LRRC7: variants seen among roughly 807,000 people sequenced by gnomAD.
LRRC7 encodes the protein leucine-rich repeat-containing protein 7.
In LRRC7, 23 loss-of-function variants were observed where a neutral mutation model predicts 175.7. The ratio of observed to expected loss-of-function variants is 0.13; its 90% confidence interval spans 0.09 to 0.19. The LOEUF is 0.19. Ranked by LOEUF, LRRC7 falls within the 10% of genes least tolerant of loss-of-function variation. LRRC7 has a pLI of 1.00. For synonymous variants in LRRC7, 685 were observed against 680.9 expected (o/e 1.01, Z -0.09); for missense variants, 1,354 against 1,904.7 (o/e 0.71, Z 5.38).
chr1:69,802,368 T>C (rs959011498), intron 4 of LRRC7, among the ~76,000 whole-genome samples: 1 of 151,444 alleles, frequency 6.6e-6, no homozygotes, highest in Non-Finnish European at 1.5e-5. Context: ...TTAGGTCTAG[T>C]AATGTTTGTT....
At chr1:69,842,482 ATGTCTCC>A (rs1681833940) in intron 7 of LRRC7, among the ~76,000 whole-genome samples, 2 of 152,188 alleles carry the variant, frequency 1.3e-5, no homozygotes, top group African/African-American at 4.8e-5. Flanking sequence ...ATGAATATTC[ATGTCTCC>A]TGATGCACAA....
chr1:69,644,020 A>C (rs1654631083), intron 1 of LRRC7, among the ~76,000 whole-genome samples: 1 of 152,184 alleles, frequency 6.6e-6, no homozygotes, highest in Non-Finnish European at 1.5e-5. Flanking sequence ...GATGCAGTTA[A>C]TGCAATGCTT....
chr1:69,579,434 G>A (rs1646101879), intron 1 of LRRC7, among the ~76,000 whole-genome samples: 1 of 152,010 alleles, frequency 6.6e-6, no homozygotes. Context: ...CTTTATATTG[G>A]TATTTTTAGG....
At chr1:70,047,654 T>G (rs1660432479) in intron 22 of LRRC7, among the ~76,000 whole-genome samples, 1 of 152,082 alleles carries the variant, frequency 6.6e-6, no homozygotes, top group Non-Finnish European at 1.5e-5. Context: ...TTTAAATATT[T>G]TTCATTTTTT....
chr1:69,713,890 C>T (rs916926110), intron 2 of LRRC7, among the ~76,000 whole-genome samples: 1 of 151,940 alleles, frequency 6.6e-6, no homozygotes, highest in African/African-American at 2.4e-5. Context: ...TATCAGACAC[C>T]TAAGAGCTTT....
In LRRC7 at chr1:70,038,960, C is replaced by T. The variant is rs747733940; in HGVS notation, c.3136C>T (p.Leu1046Phe). ...AGTCCCAATGCTGGATGATGAGATG[C>T]TCACCTACGGAAGTAGTAAGGGGCC... ...QSVPMLDDEM[L>F]TYGSSKGPQQ... The change falls in exon 21 of 27, where the codon CTC (leucine) becomes TTC (phenylalanine). Residue 1046 changes from leucine (L) to phenylalanine (F), a missense_variant. This residue lies in a region of LRRC7 where 1,032 missense variants were observed against 1,227.2 expected (regional missense o/e 0.84). Transcript: ENST00000651989. 1 of 1,613,942 alleles carries T rather than the reference C, an allele frequency of 6.2e-7. No homozygotes were observed. Among genetic ancestry groups the T allele is most frequent in the Non-Finnish European group, 8.5e-7 (1 of 1,179,974 alleles).
chr1:70,013,588 G>A (rs936102789), intron 13 of LRRC7, among the ~76,000 whole-genome samples: 2 of 151,874 alleles, frequency 1.3e-5, no homozygotes, highest in Admixed American at 6.6e-5. Flanking sequence ...TAGAGCAGAT[G>A]AATGAGGAAA....
chr1:69,896,803 G>T (rs1645992677), intron 7 of LRRC7, among the ~76,000 whole-genome samples: 1 of 151,968 alleles, frequency 6.6e-6, no homozygotes, highest in Non-Finnish European at 1.5e-5. Flanking sequence ...TTATTCTGTG[G>T]CATGGTACTT....
intron 7 of LRRC7, among the ~76,000 whole-genome samples, chr1:69,878,993 T>C (rs946703709): frequency 1.3e-5 from 2 of 149,776 alleles, no homozygotes; most frequent in Non-Finnish European, 3.0e-5. Context: ...TCATTATACA[T>C]TTGTCCAAAC....
In LRRC7 at chr1:69,927,601, G is replaced by A. The variant is rs140165817; in HGVS notation, c.648-3906G>A. ...ACCCTTTCTTCCAGTTGATTGCATCGGCTCTTGAGGCTTCTGCATTCTTCA... is the reference window on the plus strand; with the variant it reads ...ACCCTTTCTTCCAGTTGATTGCATCAGCTCTTGAGGCTTCTGCATTCTTCA... On this transcript the variant is annotated intron_variant, in intron 7 of 26. Transcript: ENST00000651989. Among the ~76,000 whole-genome samples, 763 of 151,872 alleles carry A rather than the reference G, an allele frequency of 5.0e-3. 7 individuals are homozygous for A. The highest frequency in any genetic ancestry group is 0.017 in the African/African-American group (692 of 41,366).
At chr1:69,823,569 G>T (rs187075136) in intron 4 of LRRC7, among the ~76,000 whole-genome samples, 4 of 151,972 alleles carry the variant, frequency 2.6e-5, no homozygotes, top group Admixed American at 2.6e-4. Flanking sequence ...GTGCGTACAC[G>T]CACATTAATA....
chr1:69,776,720 T>G (rs1180047297), intron 3 of LRRC7, among the ~76,000 whole-genome samples: 1 of 151,682 alleles, frequency 6.6e-6, no homozygotes, highest in African/African-American at 2.4e-5. Context: ...TGTGTGGGTG[T>G]GTGTGTGGGT....
chr1:69,679,824 T>C (rs1283036992), intron 2 of LRRC7, among the ~76,000 whole-genome samples: 1 of 152,150 alleles, frequency 6.6e-6, no homozygotes, highest in Admixed American at 6.6e-5. Context: ...AAAGTGATTT[T>C]TCAGGACTCT....
intron 10 of LRRC7, among the ~76,000 whole-genome samples, chr1:69,986,964 C>T (rs1435420286): frequency 1.3e-5 from 2 of 152,108 alleles, no homozygotes; most frequent in African/African-American, 2.4e-5. Context: ...TTTACATGGG[C>T]CAGGCGCAGT....
At chr1:69,793,549 T>G (rs942628197) in intron 4 of LRRC7, among the ~76,000 whole-genome samples, 2 of 152,060 alleles carry the variant, frequency 1.3e-5, no homozygotes, top group Non-Finnish European at 2.9e-5. Flanking sequence ...TTTTCTTAAA[T>G]GTACTGTCAA....
At chr1:69,568,731 G>C in intron 1 of LRRC7, 90 bp downstream of exon 1, 1 of 916,678 alleles carries the variant, frequency 1.1e-6, no homozygotes, top group Non-Finnish European at 1.4e-6. Context: ...GACCCCAGAG[G>C]CCGGCCGGGG....
At chr1:69,652,878 A>G (rs545565008) in intron 1 of LRRC7, among the ~76,000 whole-genome samples, 1 of 152,144 alleles carries the variant, frequency 6.6e-6, no homozygotes, top group African/African-American at 2.4e-5. Context: ...AGACTATTCA[A>G]TGGGGAAAGG....
chr1:69,826,722 A>G (rs1679952778), intron 5 of LRRC7, among the ~76,000 whole-genome samples: 1 of 152,170 alleles, frequency 6.6e-6, no homozygotes, highest in Non-Finnish European at 1.5e-5. Flanking sequence ...CTTTTGTCTG[A>G]TGAAGTGTAG....
Position 70,127,389 on chromosome 1 carries a change from G to A in LRRC7, c.*5502G>A, listed in dbSNP as rs1666493610. 6.6e-6 allele frequency among the ~76,000 whole-genome samples: 1 copy of A among 152,148 alleles called. No individual in the cohort carries two copies. The highest frequency in any genetic ancestry group is 1.5e-5 in the Non-Finnish European group (1 of 68,028). ...CAGAGATTTTTGAAAAACCGAGGGG[G>A]CAAGTCTACTCTAAGTTTTTATTTA... On this transcript the variant is annotated 3_prime_UTR_variant, in exon 27 of 27. Coordinates refer to ENST00000651989, the MANE Select transcript of LRRC7 (RefSeq NM_001370785.2).
Sources: allele counts gnomAD v4.1 joint callset (sites outside exome capture counted in the v4.1 genomes callset), GRCh38; gene constraint gnomAD v4.1.1; regional missense constraint gnomAD v4.1.1; transcripts MANE v1.5; gene names NCBI Gene and HGNC (gene_info 2026-07-23, HGNC 2026-07-21).